The following UBE2Q2 variants were observed in gnomAD, a reference collection of about 807,000 sequenced individuals.
UBE2Q2 encodes the protein ubiquitin conjugating enzyme E2 Q2.
UBE2Q2 carries 54 observed loss-of-function variants against 59.9 expected under a neutral mutation model. That is an observed-to-expected ratio of 0.90 (90% CI 0.72 to 1.13). UBE2Q2 has a LOEUF of 1.13. Among genes scored for constraint, UBE2Q2 ranks in the 50% most tolerant of loss-of-function variants. The pLI is 0.00. For missense variants in UBE2Q2, 433 were observed against 441.9 expected (o/e 0.98, Z 0.18); for synonymous variants, 165 against 155.2 (o/e 1.06, Z -0.47).
In UBE2Q2 at chr15:75,899,986, A is replaced by G. The variant is rs937313246; in HGVS notation, c.*528A>G. The G allele has an allele frequency of 1.3e-5, 2 of 152,752 alleles. No homozygotes were observed. The highest frequency in any genetic ancestry group is 4.8e-5 in the African/African-American group (2 of 41,452). The allele number at this position is 152,752 out of a possible 1,614,324, so 9.5% of individuals were successfully genotyped here. On this transcript the variant is annotated 3_prime_UTR_variant, in exon 13 of 13. Coordinates refer to ENST00000267938, the MANE Select transcript of UBE2Q2 (RefSeq NM_173469.4). The stretch of plus-strand genomic sequence containing the variant: ...GGAAACCTACTCATTAAATTGTTAA[A>G]CTTTTTAATGACTATGTGAAGATAT...
intron 1 of UBE2Q2, among the ~76,000 whole-genome samples, chr15:75,849,114 C>T (rs1896505404): frequency 6.6e-6 from 1 of 152,090 alleles, no homozygotes; most frequent in Non-Finnish European, 1.5e-5. Context: ...TCTAGGTTAG[C>T]TACTTGGTTG....
chr15:75,843,821 C>A lies in UBE2Q2; in HGVS notation c.155C>A (p.Pro52Gln). ...GGCAGCCCGCACTCGCTGCCGCCGC[C>A]ACTCACGCTCCACTGCAACATCACG... Reference protein sequence around the residue: ...QQGSPHSLPPPLTLHCNITES... With the variant: ...QQGSPHSLPPQLTLHCNITES... Residue 52 changes from proline (P) to glutamine (Q), a missense_variant, in exon 1 of 13, where the codon CCA becomes CAA. Physicochemically the swap from Pro to Gln is moderately conservative, Grantham distance 76. Transcript: ENST00000267938. 1 of 1,598,332 alleles carries A rather than the reference C, an allele frequency of 6.3e-7. No individual in the cohort carries two copies. The highest frequency in any genetic ancestry group is 1.1e-5 in the South Asian group (1 of 88,744).
intron 12 of UBE2Q2, 76 bp downstream of exon 12, chr15:75,897,137 T>C: frequency 1.2e-6 from 1 of 862,890 alleles, no homozygotes; most frequent in East Asian, 3.1e-5. Context: ...CATTTTATTT[T>C]TCTGTTTTTG....
chr15:75,848,977 C>A lies in UBE2Q2; in HGVS notation c.180+5131C>A, dbSNP rs76984720. The stretch of plus-strand genomic sequence containing the variant: ...CTTTTTCTGTGCCTCAGTTTGCTTA[C>A]AATGATGTTCTCAGTAGCTGTAATT... On this transcript the variant is annotated intron_variant, in intron 1 of 12. Transcript: ENST00000267938. 7.4e-3 allele frequency among the ~76,000 whole-genome samples: 1,120 copies of A among 152,252 alleles called. 12 individuals carry two copies. Among genetic ancestry groups the A allele is most frequent in the African/African-American group, 0.025 (1,056 of 41,550 alleles).
In UBE2Q2 at chr15:75,899,809, A is replaced by G. The variant is rs1471208486; in HGVS notation, c.*351A>G. The G allele has an allele frequency of 6.0e-6, 1 of 167,316 alleles. No homozygotes were observed. Among genetic ancestry groups the G allele is most frequent in the Middle Eastern group, 2.6e-3 (1 of 384 alleles). The allele number at this position is 167,316 out of a possible 1,614,324, so 10.4% of individuals were successfully genotyped here. On this transcript the variant is annotated 3_prime_UTR_variant, in exon 13 of 13. Transcript: ENST00000267938. Reference sequence around the variant, plus strand: ...AGGGTAACTTTCCTATATTGAGCCCATGGGTTACAAGGATTTGCAATATAT... The same window carrying G: ...AGGGTAACTTTCCTATATTGAGCCCGTGGGTTACAAGGATTTGCAATATAT...
chr15:75,844,589 C>A, intron 1 of UBE2Q2: 1 of 1,287,154 alleles, frequency 7.8e-7, no homozygotes, highest in Non-Finnish European at 1.1e-6. Context: ...GGAAAGATCA[C>A]GTATGTCACA....
chr15:75,869,035 G>A, intron 4 of UBE2Q2, 25 bp downstream of exon 4: 3 of 1,587,032 alleles, frequency 1.9e-6, no homozygotes, highest in Admixed American at 3.5e-5. Flanking sequence ...TAAAAGAAGA[G>A]TTCATAAATT....
intron 2 of UBE2Q2, among the ~76,000 whole-genome samples, chr15:75,859,081 A>C (rs1482778837): frequency 6.6e-6 from 1 of 152,226 alleles, no homozygotes; most frequent in African/African-American, 2.4e-5. Flanking sequence ...GTCACGTTAT[A>C]CATTGAAAAA....
intron 1 of UBE2Q2, 177 bp downstream of exon 1, chr15:75,844,023 G>A (rs1896173818): frequency 2.1e-6 from 3 of 1,409,294 alleles, no homozygotes; most frequent in Non-Finnish European, 2.8e-6. Context: ...CGCGAGGCTT[G>A]GGTGGGAGGA....
At chr15:75,852,491 T>A (rs894726577) in intron 1 of UBE2Q2, among the ~76,000 whole-genome samples, 2 of 152,230 alleles carry the variant, frequency 1.3e-5, no homozygotes, top group African/African-American at 4.8e-5. Flanking sequence ...TTTCAGTTAA[T>A]TGTTTTTGTA....
chr15:75,855,105 T>C (rs1896832971), intron 2 of UBE2Q2, among the ~76,000 whole-genome samples: 1 of 152,214 alleles, frequency 6.6e-6, no homozygotes, highest in South Asian at 2.1e-4. Flanking sequence ...TCTACCAGTA[T>C]ATATTTTTCC....
At chr15:75,872,364 G>C (rs1434964745) in intron 4 of UBE2Q2, among the ~76,000 whole-genome samples, 1 of 150,818 alleles carries the variant, frequency 6.6e-6, no homozygotes, top group Non-Finnish European at 1.5e-5. Context: ...TACTCCTTTA[G>C]AGATTTTGGC....
intron 6 of UBE2Q2, among the ~76,000 whole-genome samples, chr15:75,877,691 T>G (rs1205640326): frequency 1.3e-5 from 2 of 152,232 alleles, no homozygotes; most frequent in African/African-American, 4.8e-5. Flanking sequence ...TAAGTACATA[T>G]GATTTTGCAT....
intron 4 of UBE2Q2, among the ~76,000 whole-genome samples, chr15:75,871,445 C>T (rs1193081107): frequency 4.6e-5 from 7 of 152,174 alleles, no homozygotes; most frequent in Non-Finnish European, 8.8e-5. Context: ...TCCCTTCCCA[C>T]GAGGCCATAT....
intron 1 of UBE2Q2, among the ~76,000 whole-genome samples, chr15:75,851,615 C>T (rs1217754531): frequency 6.6e-6 from 1 of 151,988 alleles, no homozygotes; most frequent in Non-Finnish European, 1.5e-5. Flanking sequence ...TGTTGTTTTC[C>T]TTGAAATGAC....
At chr15:75,871,654 T>G (rs958886581) in intron 4 of UBE2Q2, among the ~76,000 whole-genome samples, 7 of 152,200 alleles carry the variant, frequency 4.6e-5, no homozygotes, top group Admixed American at 3.9e-4. Flanking sequence ...AACCCTGAGT[T>G]TGACACAGCA....
At chr15:75,891,135 C>A in intron 11 of UBE2Q2, 121 bp downstream of exon 11, 3 of 737,758 alleles carry the variant, frequency 4.1e-6, no homozygotes, top group South Asian at 2.3e-5. Flanking sequence ...GGTTTGTTTT[C>A]TTCTTGTTAC....
intron 12 of UBE2Q2, among the ~76,000 whole-genome samples, chr15:75,897,696 G>A (rs1369858267): frequency 1.3e-5 from 2 of 150,644 alleles, no homozygotes; most frequent in African/African-American, 4.9e-5. Flanking sequence ...TGGAGTTCTT[G>A]TTGTTATAAC....
chr15:75,898,701 G>GA (rs1490047823), intron 12 of UBE2Q2, among the ~76,000 whole-genome samples: 1 of 152,194 alleles, frequency 6.6e-6, no homozygotes, highest in African/African-American at 2.4e-5. Flanking sequence ...TTATGGCTCC[G>GA]ATAACAGTCC....
Sources: allele counts gnomAD v4.1 joint callset (sites outside exome capture counted in the v4.1 genomes callset), GRCh38; gene constraint gnomAD v4.1.1; transcripts MANE v1.5; gene names NCBI Gene and HGNC (gene_info 2026-07-23, HGNC 2026-07-21).